The following KIAA1143 variants were observed in gnomAD, a reference collection of about 807,000 sequenced individuals.
The protein encoded by KIAA1143 is uncharacterized protein KIAA1143.
In KIAA1143, 8 loss-of-function variants were observed where a neutral mutation model predicts 17.0. The observed-to-expected ratio is 0.47, with a 90% CI of 0.28 to 0.85. The LOEUF (loss-of-function observed/expected upper bound fraction) is 0.85. KIAA1143 is among the 40% of genes least tolerant of loss of function. The pLI is 0.12. For missense variants in KIAA1143, 162 were observed against 183.3 expected (o/e 0.88, Z 0.67); for synonymous variants, 64 against 67.8 (o/e 0.94, Z 0.27).
intron 1 of KIAA1143, among the ~76,000 whole-genome samples, chr3:44,760,660 T>A (rs1705078410): frequency 6.6e-6 from 1 of 150,896 alleles, no homozygotes; most frequent in Admixed American, 6.6e-5. Flanking sequence ...AGCGCTGGGA[T>A]TACAGGCGTG....
chr3:44,759,294 G>C (rs1283229216), intron 1 of KIAA1143, among the ~76,000 whole-genome samples: 1 of 151,292 alleles, frequency 6.6e-6, no homozygotes, highest in Non-Finnish European at 1.5e-5. Flanking sequence ...GAGTTCTTGG[G>C]TGACCAAGTG....
intron 1 of KIAA1143, among the ~76,000 whole-genome samples, chr3:44,757,958 C>T (rs1039248037): frequency 5.3e-5 from 8 of 152,132 alleles, no homozygotes; most frequent in African/African-American, 1.9e-4. Context: ...TCCCAGTTCA[C>T]ATAAAAGTTA....
intron 1 of KIAA1143, among the ~76,000 whole-genome samples, chr3:44,754,800 C>A (rs1704944507): frequency 6.6e-6 from 1 of 152,238 alleles, no homozygotes; most frequent in Non-Finnish European, 1.5e-5. Context: ...CTCTCTCTCA[C>A]CTCTGCTCAT....
intron 1 of KIAA1143, among the ~76,000 whole-genome samples, chr3:44,760,848 A>T (rs1705093080): frequency 6.6e-6 from 1 of 151,712 alleles, no homozygotes; most frequent in African/African-American, 2.4e-5. Flanking sequence ...ATGCCCGGCT[A>T]ATTTTTGTAT....
At chr3:44,760,312 A>T in intron 1 of KIAA1143, among the ~76,000 whole-genome samples, 1 of 152,240 alleles carries the variant, frequency 6.6e-6, no homozygotes, top group Non-Finnish European at 1.5e-5. Context: ...CTAGACAACA[A>T]TAGTCAGGTG....
At chr3:44,756,201 A>G (rs1704966811) in intron 1 of KIAA1143, among the ~76,000 whole-genome samples, 1 of 152,250 alleles carries the variant, frequency 6.6e-6, no homozygotes, top group African/African-American at 2.4e-5. Context: ...AACAAGAGAA[A>G]TAGTCTAAGG....
chr3:44,759,847 A>T (rs1705035954), intron 1 of KIAA1143, among the ~76,000 whole-genome samples: 1 of 140,064 alleles, frequency 7.1e-6, no homozygotes, highest in African/African-American at 2.7e-5. Context: ...GTGAGCTGTG[A>T]TTGCACCACT....
intron 1 of KIAA1143, 142 bp downstream of exon 1, chr3:44,761,353 T>C (rs1452952817): frequency 1.6e-5 from 10 of 637,368 alleles, no homozygotes; most frequent in Non-Finnish European, 2.8e-5. Context: ...AGAACCAGCC[T>C]GGGGGTCCGA....
chr3:44,756,392 G>A (rs182714490), intron 1 of KIAA1143, among the ~76,000 whole-genome samples: 21 of 152,240 alleles, frequency 1.4e-4, no homozygotes, highest in African/African-American at 4.3e-4. Flanking sequence ...GAAACCCCCC[G>A]TCTCTACTAA....
chr3:44,755,050 G>A (rs1171285374), intron 1 of KIAA1143, among the ~76,000 whole-genome samples: 2 of 152,120 alleles, frequency 1.3e-5, no homozygotes, highest in African/African-American at 4.8e-5. Flanking sequence ...AGTTGATTCA[G>A]ATTTTTGAAA....
chr3:44,760,895 T>C (rs1057395205), intron 1 of KIAA1143, among the ~76,000 whole-genome samples: 1 of 151,552 alleles, frequency 6.6e-6, no homozygotes, highest in Non-Finnish European at 1.5e-5. Context: ...ATATTGGCTA[T>C]TGGCTCTGCT....
Position 44,761,559 on chromosome 3 carries a change from G to A in KIAA1143, c.44C>T (p.Pro15Leu). 1.9e-6 allele frequency: 3 copies of A among 1,614,118 alleles called. No individual in the cohort carries two copies. Among genetic ancestry groups the A allele is most frequent in the Non-Finnish European group, 2.5e-6 (3 of 1,180,038 alleles). ...NQVSYVRPAE[P>L]AFLARFKERV... ...TTCCTTGAAGCGGGCCAGAAACGCC[G>A]GCTCGGCTGGCCGCACGTACGATAC... Residue 15 changes from proline (P) to leucine (L), a missense_variant, in exon 1 of 3, where the codon CCG becomes CTG. By Grantham distance (98) the Pro-to-Leu change is moderately conservative. Coordinates refer to ENST00000296121, the MANE Select transcript of KIAA1143 (RefSeq NM_020696.4).
chr3:44,759,858 G>A (rs1041822778), intron 1 of KIAA1143, among the ~76,000 whole-genome samples: 4 of 141,502 alleles, frequency 2.8e-5, no homozygotes, highest in African/African-American at 1.1e-4. Context: ...TTGCACCACT[G>A]CACTCTAGCC....
chr3:44,756,310 C>T (rs1704968521), intron 1 of KIAA1143, among the ~76,000 whole-genome samples: 1 of 152,212 alleles, frequency 6.6e-6, no homozygotes, highest in Admixed American at 6.5e-5. Context: ...CCTGTAATCC[C>T]AGCACTCTGG....
rs1377963027 is a variant in KIAA1143 at position 44,753,259 on chromosome 3, G to A, written c.*82C>T. 9.7e-7 allele frequency: 1 copy of A among 1,027,172 alleles called. No individual in the cohort carries two copies. Among genetic ancestry groups the A allele is most frequent in the Non-Finnish European group, 1.4e-6 (1 of 692,468 alleles). The allele number at this position is 1,027,172 out of a possible 1,614,324, so 63.6% of individuals were successfully genotyped here. A position where few individuals can be genotyped will look rare whatever the true frequency, so the allele number is the denominator to read the frequency against. ...CTAAACTTTCTATAAAGAACTTGTAGTATCTTTATAATAGGAAAAAATGTG... is the reference window on the plus strand; with the variant it reads ...CTAAACTTTCTATAAAGAACTTGTAATATCTTTATAATAGGAAAAAATGTG... On this transcript the variant is annotated 3_prime_UTR_variant, in exon 3 of 3. Transcript: ENST00000296121.
chr3:44,759,877 AGAGT>A (rs935786458), intron 1 of KIAA1143, among the ~76,000 whole-genome samples: 3 of 129,352 alleles, frequency 2.3e-5, no homozygotes, highest in African/African-American at 9.2e-5. Context: ...CCTGGGCGAC[AGAGT>A]GAGACCCTAT....
intron 1 of KIAA1143, among the ~76,000 whole-genome samples, chr3:44,756,471 G>A (rs1166948164): frequency 1.3e-5 from 2 of 152,206 alleles, no homozygotes; most frequent in African/African-American, 2.4e-5. Flanking sequence ...GCTGAGGCAG[G>A]AGAATTGCTT....
In KIAA1143 at chr3:44,748,871, A is replaced by G. The variant is rs1326736773; in HGVS notation, c.*4470T>C. 6.6e-6 allele frequency: 1 copy of G among 152,220 alleles called. No individual in the cohort carries two copies. The highest frequency in any genetic ancestry group is 2.4e-5 in the African/African-American group (1 of 41,456). 9.4% of individuals were successfully genotyped at this position (152,220 alleles called of 1,614,324 possible). ...CACACCCAGATACTAAGACATATTAAAATTTACAGCAATTAAAACAGTGTA... is the reference window on the plus strand; with the variant it reads ...CACACCCAGATACTAAGACATATTAGAATTTACAGCAATTAAAACAGTGTA... On this transcript the variant is annotated 3_prime_UTR_variant, in exon 3 of 3. Coordinates refer to ENST00000296121, the MANE Select transcript of KIAA1143 (RefSeq NM_020696.4).
chr3:44,753,629 A>C, intron 2 of KIAA1143, 77 bp from the exon 3 acceptor site: 2 of 1,358,514 alleles, frequency 1.5e-6, no homozygotes, highest in Non-Finnish European at 2.0e-6. Context: ...ATAATAAGAA[A>C]ATCTCATATT....
Sources: gnomAD v4.1 joint callset for allele counts (sites outside exome capture counted in the v4.1 genomes callset) on GRCh38, gnomAD v4.1.1 for gene constraint, MANE v1.5 for transcripts, NCBI Gene and HGNC (gene_info 2026-07-23, HGNC 2026-07-21) for gene names.